Variants in ZNF892 observed in about 807,000 individuals in gnomAD.
ZNF892 encodes zinc finger protein 570-like.
chr2:95,214,167 GTT>G, the ZNF892 span, among the ~76,000 whole-genome samples: 1 of 151,608 alleles, frequency 6.6e-6, no homozygotes, highest in Admixed American at 6.6e-5. Flanking sequence ...TTTTTCTTGT[GTT>G]CTCTCAAGAT....
chr2:95,221,208 T>G, the ZNF892 span, among the ~76,000 whole-genome samples: 20 of 152,340 alleles, frequency 1.3e-4, no homozygotes, highest in East Asian at 2.3e-3. Context: ...TTAGGTATTA[T>G]TCATATAGTC....
At chr2:95,235,361 C>CT in the ZNF892 span, among the ~76,000 whole-genome samples, 6,155 of 132,080 alleles carry the variant, frequency 0.047, 299 homozygotes, top group African/African-American at 0.11. Context: ...TTCCAGTAAA[C>CT]TTTTTTTTTT....
At chr2:95,211,137 C>T in the ZNF892 span, among the ~76,000 whole-genome samples, 1 of 152,064 alleles carries the variant, frequency 6.6e-6, no homozygotes, top group Non-Finnish European at 1.5e-5. Flanking sequence ...TATTCTGTGA[C>T]GTGTAGGAAA....
At chr2:95,247,473 A>G in the ZNF892 span, among the ~76,000 whole-genome samples, 1 of 152,312 alleles carries the variant, frequency 6.6e-6, no homozygotes, top group Non-Finnish European at 1.5e-5. Context: ...TTAAGTTCTT[A>G]AAAGCAATTG....
chr2:95,229,418 C>T, the ZNF892 span, among the ~76,000 whole-genome samples: 1 of 152,190 alleles, frequency 6.6e-6, no homozygotes, highest in East Asian at 1.9e-4. Flanking sequence ...ATGCCCTTCC[C>T]TTCCCAGTTA....
the ZNF892 span, chr2:95,214,820 A>G: frequency 1.5e-5 from 7 of 478,804 alleles, no homozygotes; most frequent in Non-Finnish European, 2.3e-5. Flanking sequence ...GCCAGAGCAT[A>G]CACCTTACTC....
chr2:95,248,698 A>C, the ZNF892 span, among the ~76,000 whole-genome samples: 1 of 152,154 alleles, frequency 6.6e-6, no homozygotes, highest in Non-Finnish European at 1.5e-5. Flanking sequence ...TTATATCAGC[A>C]CATTTTAAAA....
chr2:95,256,647 G>T, the ZNF892 span, among the ~76,000 whole-genome samples: 1 of 152,162 alleles, frequency 6.6e-6, no homozygotes, highest in Non-Finnish European at 1.5e-5. Flanking sequence ...AGTTCTCCTG[G>T]ATAATATCCT....
At chr2:95,213,374 T>A in the ZNF892 span, among the ~76,000 whole-genome samples, 1 of 152,246 alleles carries the variant, frequency 6.6e-6, no homozygotes, top group Non-Finnish European at 1.5e-5. Context: ...TTGTATTAAT[T>A]TATTTCATGT....
chr2:95,228,179 G>A, the ZNF892 span, among the ~76,000 whole-genome samples: 1 of 152,146 alleles, frequency 6.6e-6, no homozygotes, highest in African/African-American at 2.4e-5. Flanking sequence ...TTTGTAGAAT[G>A]TTCTACCATC....
the ZNF892 span, among the ~76,000 whole-genome samples, chr2:95,206,811 T>TA: frequency 2.6e-5 from 4 of 152,270 alleles, no homozygotes; most frequent in Non-Finnish European, 5.9e-5. Flanking sequence ...TAGTGTCTTG[T>TA]AAATTAAGGG....
chr2:95,259,276 G>A, the ZNF892 span: 1 of 152,828 alleles, frequency 6.5e-6, no homozygotes, highest in Non-Finnish European at 1.5e-5. Context: ...GGGGTTGAAT[G>A]TTCTGCCACT....
the ZNF892 span, chr2:95,214,873 A>T: frequency 4.0e-6 from 2 of 504,466 alleles, no homozygotes; most frequent in South Asian, 1.0e-4. Context: ...TATGAATGTC[A>T]TGAGTGTGGG....
the ZNF892 span, among the ~76,000 whole-genome samples, chr2:95,232,996 C>T: frequency 6.6e-6 from 1 of 152,112 alleles, no homozygotes; most frequent in East Asian, 1.9e-4. Flanking sequence ...TAGTTTGCCT[C>T]ATTATGTGGG....
chr2:95,245,225 A>G, the ZNF892 span, among the ~76,000 whole-genome samples: 1 of 151,570 alleles, frequency 6.6e-6, no homozygotes, highest in Non-Finnish European at 1.5e-5. Flanking sequence ...GCCTTAAAAA[A>G]TCAATGAATC....
chr2:95,250,584 AGCTATTCAT>A, the ZNF892 span, among the ~76,000 whole-genome samples: 539 of 145,718 alleles, frequency 3.7e-3, 6 homozygotes, highest in African/African-American at 0.013. Context: ...TATAAATATA[AGCTATTCAT>A]AAATTATAAA....
chr2:95,242,489 G>T, the ZNF892 span, among the ~76,000 whole-genome samples: 2 of 152,256 alleles, frequency 1.3e-5, no homozygotes, highest in Middle Eastern at 6.8e-3. Flanking sequence ...AGCTTCTGAG[G>T]GAAGCACTAA....
the ZNF892 span, among the ~76,000 whole-genome samples, chr2:95,238,065 A>G: frequency 1.3e-5 from 2 of 152,258 alleles, no homozygotes; most frequent in Non-Finnish European, 2.9e-5. Context: ...TATCCAGGAT[A>G]TTTAAGATCA....
chr2:95,244,047 A>G, the ZNF892 span, among the ~76,000 whole-genome samples: 1 of 150,558 alleles, frequency 6.6e-6, no homozygotes. Flanking sequence ...CTTACCCCCA[A>G]CCCTGTGCTC....
Sources: allele counts gnomAD v4.1 joint callset (sites outside exome capture counted in the v4.1 genomes callset), GRCh38; gene constraint gnomAD v4.1.1; transcripts MANE v1.5; gene names NCBI Gene and HGNC (gene_info 2026-07-23, HGNC 2026-07-21).